The following C12orf56 variants were observed in gnomAD, a reference collection of about 807,000 sequenced individuals.
C12orf56 encodes the protein uncharacterized protein C12orf56.
A neutral mutation model predicts 69.9 loss-of-function variants in C12orf56; 71 were observed. That is an observed-to-expected ratio of 1.02 (90% CI 0.84 to 1.24). C12orf56 has a LOEUF of 1.24. Ranked by LOEUF, C12orf56 falls within the 50% of genes most tolerant of loss-of-function variation. The probability of loss-of-function intolerance (pLI) is 0.00; values close to 1 mark genes in which losing one functional copy is unlikely to be tolerated. For missense variants in C12orf56, 732 were observed against 738.5 expected, an observed-to-expected ratio of 0.99 and a Z score of 0.10; for synonymous variants, 276 against 274.1, an observed-to-expected ratio of 1.01 and a Z score of -0.07.
chr12:64,370,925 A>G (rs1197473470), intron 1 of C12orf56, among the ~76,000 whole-genome samples: 2 of 152,218 alleles, frequency 1.3e-5, no homozygotes, highest in African/African-American at 4.8e-5. Context: ...GCTTGAGCCC[A>G]GGAGTTCAAG....
intron 6 of C12orf56, among the ~76,000 whole-genome samples, chr12:64,289,024 C>A (rs2038249676): frequency 4.3e-5 from 5 of 116,328 alleles, no homozygotes; most frequent in Non-Finnish European, 5.5e-5. Flanking sequence ...CTTTTATTTC[C>A]TTGAGCAGTG....
At chr12:64,349,449 T>C (rs576560301) in intron 2 of C12orf56, among the ~76,000 whole-genome samples, 64 of 152,318 alleles carry the variant, frequency 4.2e-4, no homozygotes, top group Admixed American at 2.0e-4. Context: ...TGGAAAACTG[T>C]GGAGATTCCT....
intron 3 of C12orf56, among the ~76,000 whole-genome samples, chr12:64,327,056 T>C (rs1403765322): frequency 6.6e-6 from 1 of 152,238 alleles, no homozygotes; most frequent in East Asian, 1.9e-4. Flanking sequence ...TGAGCTTGCA[T>C]GCCCAGTGCT....
intron 1 of C12orf56, among the ~76,000 whole-genome samples, chr12:64,358,497 C>A (rs546086150): frequency 0.2 from 21,525 of 109,044 alleles, 2,009 homozygotes; most frequent in East Asian, 0.39. Context: ...TCATCATCAT[C>A]ATCATCATCA....
At chr12:64,329,326 A>G (rs939532566) in intron 3 of C12orf56, among the ~76,000 whole-genome samples, 1 of 151,896 alleles carries the variant, frequency 6.6e-6, no homozygotes, top group African/African-American at 2.4e-5. Context: ...ATTAAATGTT[A>G]GTATTGTGGA....
chr12:64,364,841 C>A (rs1395237348), intron 1 of C12orf56, among the ~76,000 whole-genome samples: 1 of 152,012 alleles, frequency 6.6e-6, no homozygotes, highest in African/African-American at 2.4e-5. Context: ...CAGGCATGAG[C>A]CGTTGGCTGC....
intron 1 of C12orf56, among the ~76,000 whole-genome samples, chr12:64,379,450 AT>A (rs1302773664): frequency 6.6e-6 from 1 of 151,366 alleles, no homozygotes; most frequent in Non-Finnish European, 1.5e-5. Flanking sequence ...ATGCCCGGCT[AT>A]TTTTTTGTAT....
intron 2 of C12orf56, among the ~76,000 whole-genome samples, chr12:64,345,576 G>A (rs993186531): frequency 6.6e-6 from 1 of 152,108 alleles, no homozygotes; most frequent in African/African-American, 2.4e-5. Context: ...ATCTTCCATT[G>A]CAGGTCAGCG....
chr12:64,318,597 CT>C lies in C12orf56; in HGVS notation c.871del (p.Ser291ValfsTer8), dbSNP rs2038720788. 3 of 1,534,968 alleles carry C rather than the reference CT, an allele frequency of 2.0e-6. No individual in the cohort carries two copies. The highest frequency in any genetic ancestry group is 3.9e-5 in the Admixed American group (2 of 50,754). The stretch of plus-strand genomic sequence containing the variant: ...TACTATAATATAATTGTTCCATGAA[CT>C]TTTTAAGTGCAGAAATATTGATGAG... ...TTSSIFLHLK[S>X]SWNNYIIKAT... On this transcript the variant is annotated frameshift_variant, in exon 4 of 13. Transcript: ENST00000543942. LOFTEE classifies it high-confidence loss of function.
intron 1 of C12orf56, among the ~76,000 whole-genome samples, chr12:64,383,523 C>T (rs370076604): frequency 4.6e-5 from 7 of 152,038 alleles, no homozygotes; most frequent in African/African-American, 1.7e-4. Context: ...ACTACAGACG[C>T]GTGCCACCAC....
intron 5 of C12orf56, among the ~76,000 whole-genome samples, chr12:64,308,947 GAAAGA>G (rs1565749009): frequency 1.5e-5 from 1 of 67,680 alleles, no homozygotes; most frequent in African/African-American, 5.7e-5. Context: ...AAAGAAGAAA[GAAAGA>G]AAGAAAGAAA....
intron 1 of C12orf56, among the ~76,000 whole-genome samples, chr12:64,360,586 C>T (rs1245123371): frequency 6.6e-6 from 1 of 152,140 alleles, no homozygotes; most frequent in Admixed American, 6.5e-5. Flanking sequence ...AATTTTCTAA[C>T]TGTCCTAAAA....
intron 2 of C12orf56, among the ~76,000 whole-genome samples, chr12:64,341,572 G>A (rs1037754062): frequency 6.6e-6 from 1 of 152,160 alleles, no homozygotes; most frequent in African/African-American, 2.4e-5. Context: ...TAAAGTGAGT[G>A]CCTTGGTCAG....
intron 5 of C12orf56, among the ~76,000 whole-genome samples, chr12:64,307,368 C>CTTTTTTTTTTT (rs748644044): frequency 5.2e-5 from 6 of 115,264 alleles, no homozygotes; most frequent in Admixed American, 2.0e-4. Context: ...ATAGTCAGTC[C>CTTTTTTTTTTT]TTTTTTTTTT....
intron 3 of C12orf56, among the ~76,000 whole-genome samples, chr12:64,328,707 ATATATATATATATATATAT>A (rs375668957): frequency 1.2e-3 from 7 of 5,612 alleles, no homozygotes; most frequent in Admixed American, 3.1e-3. Context: ...AAAAAAAAAA[ATATATATATATATATATAT>A]ATATATATAT....
At chr12:64,328,706 AATATATAT>A (rs138783628) in intron 3 of C12orf56, among the ~76,000 whole-genome samples, 2 of 15,114 alleles carry the variant, frequency 1.3e-4, no homozygotes, top group African/African-American at 4.3e-4. Flanking sequence ...AAAAAAAAAA[AATATATAT>A]ATATATATAT....
Position 64,275,350 on chromosome 12 carries a change from T to C in C12orf56, c.1457A>G (p.Tyr486Cys). ...DAELQKLILEYTNTATALLYE... is the reference protein window; with the variant it reads ...DAELQKLILECTNTATALLYE... ...TAAAAGTGCTGTAGCAGTATTTGTATACTCCAGAATAAGCTTCTGTAACTA... is the reference window on the plus strand; with the variant it reads ...TAAAAGTGCTGTAGCAGTATTTGTACACTCCAGAATAAGCTTCTGTAACTA... The change falls in exon 10 of 13, where the codon TAT (tyrosine) becomes TGT (cysteine). Residue 486 changes from tyrosine (Y) to cysteine (C), a missense_variant. Physicochemically the swap from Tyr to Cys is radical, Grantham distance 194. Coordinates refer to ENST00000543942, the MANE Select transcript of C12orf56 (RefSeq NM_001170633.2). 2 of 1,428,948 alleles carry C rather than the reference T, an allele frequency of 1.4e-6. No homozygotes were observed. The highest frequency in any genetic ancestry group is 1.9e-6 in the Non-Finnish European group (2 of 1,074,542). 88.5% of individuals were successfully genotyped at this position (1,428,948 alleles called of 1,614,324 possible). A position where few individuals can be genotyped will look rare whatever the true frequency, so the allele number is the denominator to read the frequency against.
intron 3 of C12orf56, among the ~76,000 whole-genome samples, chr12:64,320,365 C>T (rs537255424): frequency 6.6e-6 from 1 of 152,242 alleles, no homozygotes; most frequent in East Asian, 1.9e-4. Context: ...CTATGTTGCC[C>T]AGGCTGGTCT....
intron 2 of C12orf56, among the ~76,000 whole-genome samples, chr12:64,350,940 T>C (rs962834850): frequency 2.3e-4 from 28 of 122,448 alleles, no homozygotes; most frequent in Non-Finnish European, 2.9e-4. Context: ...TCAAAACTTA[T>C]ACATTTGTCA....
Sources: gnomAD v4.1 joint callset for allele counts (sites outside exome capture counted in the v4.1 genomes callset) on GRCh38, gnomAD v4.1.1 for gene constraint, MANE v1.5 for transcripts, NCBI Gene and HGNC (gene_info 2026-07-23, HGNC 2026-07-21) for gene names.